Variants in SOX6 observed in about 807,000 individuals in gnomAD.
SOX6 encodes SRY-box transcription factor 6, also known as transcription factor SOX-6.
SOX6 carries 11 observed loss-of-function variants against 97.8 expected under a neutral mutation model. The observed-to-expected ratio is 0.11, with a 90% CI of 0.07 to 0.19. The LOEUF is 0.19. Among genes scored for constraint, SOX6 ranks in the 10% least tolerant of loss-of-function variants. The pLI is 1.00. For synonymous variants in SOX6, 360 were observed against 371.4 expected (o/e 0.97, Z 0.35); for missense variants, 810 against 1,039.5 (o/e 0.78, Z 3.04).
intron 13 of SOX6, among the ~76,000 whole-genome samples, chr11:15,992,846 A>G (rs539653613): frequency 6.6e-6 from 1 of 152,340 alleles, no homozygotes; most frequent in East Asian, 1.9e-4. Flanking sequence ...GATGTTTTCA[A>G]CAAATATTTC....
intron 1 of SOX6, among the ~76,000 whole-genome samples, chr11:16,363,901 C>G (rs1389280845): frequency 6.6e-6 from 1 of 152,066 alleles, no homozygotes; most frequent in Non-Finnish European, 1.5e-5. Flanking sequence ...TGAAGTCCCA[C>G]AGCTAACCCA....
At chr11:16,427,372 C>T (rs1009044437) in intron 1 of SOX6, among the ~76,000 whole-genome samples, 13 of 150,630 alleles carry the variant, frequency 8.6e-5, no homozygotes, top group South Asian at 2.1e-4. Flanking sequence ...GGTACATGTG[C>T]ACAATGTGCA....
chr11:16,029,219 A>C (rs932210828), intron 12 of SOX6, among the ~76,000 whole-genome samples: 1 of 152,200 alleles, frequency 6.6e-6, no homozygotes, highest in African/African-American at 2.4e-5. Context: ...ACATGGGCTC[A>C]ATAAACAAGC....
chr11:16,159,925 T>G (rs1194953312), intron 6 of SOX6, among the ~76,000 whole-genome samples: 2 of 152,244 alleles, frequency 1.3e-5, no homozygotes, highest in East Asian at 3.9e-4. Context: ...GCAGATTTTT[T>G]CATAACAGTT....
chr11:16,568,588 T>C (rs1309012452), intron 4 of SOX6, among the ~76,000 whole-genome samples: 1 of 152,202 alleles, frequency 6.6e-6, no homozygotes, highest in Non-Finnish European at 1.5e-5. Flanking sequence ...TAATGTAATA[T>C]AAATTTTACC....
intron 2 of SOX6, among the ~76,000 whole-genome samples, chr11:16,340,056 A>C (rs1856584041): frequency 1.3e-5 from 2 of 152,070 alleles, no homozygotes; most frequent in Non-Finnish European, 2.9e-5. Context: ...GAAAAAGAAA[A>C]ATGTCTGCCT....
At chr11:16,012,722 T>C (rs1423205897) in intron 13 of SOX6, among the ~76,000 whole-genome samples, 1 of 152,006 alleles carries the variant, frequency 6.6e-6, no homozygotes, top group Non-Finnish European at 1.5e-5. Flanking sequence ...ATCTCAGCTC[T>C]ACCCTTAATA....
At chr11:16,362,612 T>C (rs1185853549) in intron 1 of SOX6, among the ~76,000 whole-genome samples, 1 of 151,904 alleles carries the variant, frequency 6.6e-6, no homozygotes, top group East Asian at 1.9e-4. Flanking sequence ...TTGCATGGTA[T>C]GCTGTATGTG....
chr11:16,640,872 C>CA (rs1223484212), intron 3 of SOX6, among the ~76,000 whole-genome samples: 1 of 152,124 alleles, frequency 6.6e-6, no homozygotes, highest in African/African-American at 2.4e-5. Context: ...CTCCTGGATT[C>CA]ATTGATTTTT....
chr11:16,349,523 G>A lies in SOX6; in HGVS notation c.-5+6571C>T, dbSNP rs192458440. Among the ~76,000 whole-genome samples, 33 of 152,214 alleles carry A rather than the reference G, an allele frequency of 2.2e-4. 1 individual carries two copies. In the East Asian group the frequency reaches 6.2e-3, roughly 29 times the overall value. On this transcript the variant is annotated intron_variant, in intron 1 of 15. Transcript: ENST00000683767. ...CCCAGCTCTGCAGGAAGTTGAGGCAGGAGAATTGCTTGAACCTGGGAGGTG... is the reference window on the plus strand; with the variant it reads ...CCCAGCTCTGCAGGAAGTTGAGGCAAGAGAATTGCTTGAACCTGGGAGGTG...
chr11:16,001,735 C>T (rs16932414), intron 13 of SOX6, among the ~76,000 whole-genome samples: 1 of 152,022 alleles, frequency 6.6e-6, no homozygotes, highest in Non-Finnish European at 1.5e-5. Flanking sequence ...AAGGGCATGT[C>T]GAGAAAGCAC....
At chr11:16,201,275 T>C (rs1851929516) in intron 4 of SOX6, among the ~76,000 whole-genome samples, 1 of 152,138 alleles carries the variant, frequency 6.6e-6, no homozygotes, top group Non-Finnish European at 1.5e-5. Context: ...AGCCAGGATA[T>C]ATGAATACAC....
intron 4 of SOX6, among the ~76,000 whole-genome samples, chr11:16,526,193 C>A (rs1269366129): frequency 2.0e-5 from 3 of 151,984 alleles, no homozygotes; most frequent in East Asian, 1.9e-4. Context: ...ACATATGTTT[C>A]TTGCGGCACT....
At chr11:16,080,673 A>G (rs1848453881) in intron 9 of SOX6, among the ~76,000 whole-genome samples, 1 of 152,232 alleles carries the variant, frequency 6.6e-6, no homozygotes, top group African/African-American at 2.4e-5. Context: ...GCTGTCTTTC[A>G]GGACATCAAA....
At chr11:16,154,794 A>C (rs2134061428) in intron 6 of SOX6, among the ~76,000 whole-genome samples, 1 of 152,296 alleles carries the variant, frequency 6.6e-6, no homozygotes, top group Middle Eastern at 3.4e-3. Flanking sequence ...ACAGGCATCT[A>C]TCTACCTTGA....
intron 4 of SOX6, among the ~76,000 whole-genome samples, chr11:16,606,700 G>A (rs1379217845): frequency 6.6e-6 from 1 of 152,184 alleles, no homozygotes; most frequent in Non-Finnish European, 1.5e-5. Flanking sequence ...GAATACTTAG[G>A]ATGGCGATAA....
At chr11:16,055,003 T>C (rs1847778277) in intron 10 of SOX6, among the ~76,000 whole-genome samples, 1 of 152,120 alleles carries the variant, frequency 6.6e-6, no homozygotes, top group African/African-American at 2.4e-5. Flanking sequence ...GTCCCAGACA[T>C]AACTTGGGAA....
chr11:16,664,296 G>C (rs1370594260), intron 3 of SOX6, among the ~76,000 whole-genome samples: 2 of 152,174 alleles, frequency 1.3e-5, no homozygotes, highest in Non-Finnish European at 2.9e-5. Context: ...GAAGAGGGTG[G>C]AAAAGCCAGT....
chr11:16,482,751 G>A (rs1860364455), intron 4 of SOX6, among the ~76,000 whole-genome samples: 1 of 148,848 alleles, frequency 6.7e-6, no homozygotes. Context: ...ACTTGAGTAT[G>A]TAGTGTAAGT....
Sources: allele counts gnomAD v4.1 joint callset (sites outside exome capture counted in the v4.1 genomes callset), GRCh38; gene constraint gnomAD v4.1.1; transcripts MANE v1.5; gene names NCBI Gene and HGNC (gene_info 2026-07-23, HGNC 2026-07-21).